Variants in GRM5 observed in about 807,000 individuals in gnomAD.
GRM5 encodes the protein metabotropic glutamate receptor 5.
In GRM5, 19 loss-of-function variants were observed where a neutral mutation model predicts 83.1. The ratio of observed to expected loss-of-function variants is 0.23; its 90% CI spans 0.16 to 0.34. The LOEUF (loss-of-function observed/expected upper bound fraction) is 0.34. Ranked by LOEUF, GRM5 falls within the 10% of genes least tolerant of loss-of-function variation. The probability of loss-of-function intolerance (pLI) is 1.00; values close to 1 mark genes in which losing one functional copy is unlikely to be tolerated. For missense variants in GRM5, 1,160 were observed against 1,588.3 expected, an observed-to-expected ratio of 0.73 and a Z score of 4.58; for synonymous variants, 675 against 633.6, an observed-to-expected ratio of 1.07 and a Z score of -0.98.
At chr11:88,748,618 C>T (rs891038828) in intron 3 of GRM5, among the ~76,000 whole-genome samples, 3 of 152,136 alleles carry the variant, frequency 2.0e-5, no homozygotes, top group Admixed American at 6.5e-5. Flanking sequence ...TGGGCAGGTC[C>T]CTGATCCCGT....
intron 3 of GRM5, among the ~76,000 whole-genome samples, chr11:88,668,181 G>T (rs904591121): frequency 2.0e-5 from 3 of 149,120 alleles, no homozygotes; most frequent in African/African-American, 7.4e-5. Flanking sequence ...TTAAATCAGT[G>T]GAAGTTTATT....
At chr11:88,662,997 T>G (rs1219327045) in intron 3 of GRM5, among the ~76,000 whole-genome samples, 1 of 152,222 alleles carries the variant, frequency 6.6e-6, no homozygotes, top group East Asian at 1.9e-4. Flanking sequence ...CCAGAAAGTA[T>G]GAAATAATAC....
chr11:88,726,973 T>G (rs540228296), intron 3 of GRM5, among the ~76,000 whole-genome samples: 65 of 152,260 alleles, frequency 4.3e-4, no homozygotes, highest in African/African-American at 1.6e-3. Context: ...ATGAAGAAAC[T>G]GCATCAACGA....
intron 1 of GRM5, among the ~76,000 whole-genome samples, chr11:89,053,745 G>C (rs1164944518): frequency 1.3e-5 from 2 of 151,662 alleles, no homozygotes; most frequent in South Asian, 2.1e-4. Flanking sequence ...AGGAAATTTT[G>C]AGTAATGTGG....
chr11:88,537,492 G>T (rs1238958822), intron 8 of GRM5, among the ~76,000 whole-genome samples: 1 of 152,174 alleles, frequency 6.6e-6, no homozygotes, highest in South Asian at 2.1e-4. Context: ...AAAGAGAGCT[G>T]AAGGAAAGCC....
At chr11:88,570,343 TTG>T (rs1412435485) in intron 7 of GRM5, among the ~76,000 whole-genome samples, 1 of 151,626 alleles carries the variant, frequency 6.6e-6, no homozygotes, top group African/African-American at 2.4e-5. Flanking sequence ...TACAAAACAG[TTG>T]TGTTATATGA....
chr11:88,896,528 T>C (rs1945230847), intron 2 of GRM5, among the ~76,000 whole-genome samples: 1 of 151,740 alleles, frequency 6.6e-6, no homozygotes, highest in Admixed American at 6.6e-5. Context: ...TATAGAGAGG[T>C]TTATTTATTG....
intron 3 of GRM5, among the ~76,000 whole-genome samples, chr11:88,665,535 T>C (rs1381976833): frequency 6.6e-6 from 1 of 152,182 alleles, no homozygotes; most frequent in Non-Finnish European, 1.5e-5. Flanking sequence ...CGTATAGGTA[T>C]AGAGGAAGAG....
chr11:89,021,174 T>C (rs1034258464), intron 2 of GRM5, among the ~76,000 whole-genome samples: 4 of 152,192 alleles, frequency 2.6e-5, no homozygotes, highest in African/African-American at 9.7e-5. Context: ...ATTCAGTGGA[T>C]ATTTGGAGTC....
chr11:88,585,171 T>G (rs1943287813), intron 7 of GRM5, among the ~76,000 whole-genome samples: 1 of 152,208 alleles, frequency 6.6e-6, no homozygotes, highest in Non-Finnish European at 1.5e-5. Context: ...TCTCTACAAC[T>G]CTTCATTTTA....
intron 2 of GRM5, among the ~76,000 whole-genome samples, chr11:88,879,146 T>G (rs567558762): frequency 1.2e-3 from 180 of 152,140 alleles, no homozygotes; most frequent in Non-Finnish European, 2.0e-3. Flanking sequence ...GAGGAAAAAT[T>G]TTGTATAAAT....
At chr11:88,778,389 C>T (rs751908795) in intron 3 of GRM5, among the ~76,000 whole-genome samples, 9 of 152,184 alleles carry the variant, frequency 5.9e-5, no homozygotes, top group East Asian at 1.9e-4. Context: ...AAGGGAAATC[C>T]CCCAACCCCT....
chr11:88,724,385 CAA>C lies in GRM5; in HGVS notation c.912-70984_912-70983del, dbSNP rs543656556. 9.4e-4 allele frequency among the ~76,000 whole-genome samples: 127 copies of C among 135,066 alleles called. No individual in the cohort carries two copies. The Middle Eastern group carries it at 0.015, about 16-fold the overall frequency. 88.6% of individuals were successfully genotyped at this position (135,066 alleles called of 152,430 possible). A position where few individuals can be genotyped will look rare whatever the true frequency, so the allele number is the denominator to read the frequency against. On this transcript the variant is annotated intron_variant, in intron 3 of 9. Coordinates refer to ENST00000305447, the MANE Select transcript of GRM5 (RefSeq NM_001143831.3). ...CTGTGTCCTAAAGTTACTTGCTTCC[CAA>C]TACTCCATATACTTACTCCTAACTA...
At chr11:88,749,371 G>A (rs1942215960) in intron 3 of GRM5, among the ~76,000 whole-genome samples, 1 of 152,050 alleles carries the variant, frequency 6.6e-6, no homozygotes, top group Non-Finnish European at 1.5e-5. Context: ...TCTGAAATTT[G>A]ACAGACAGAC....
At chr11:88,752,901 T>C (rs7127982) in intron 3 of GRM5, among the ~76,000 whole-genome samples, 101,200 of 151,338 alleles carry the variant, frequency 0.67, 34,532 homozygotes, top group Non-Finnish European at 0.73. Context: ...ACAGGTTAGC[T>C]ATATCCAGAA....
intron 2 of GRM5, among the ~76,000 whole-genome samples, chr11:89,043,575 T>TTA (rs1941580064): frequency 6.8e-6 from 1 of 147,384 alleles, no homozygotes; most frequent in Non-Finnish European, 1.5e-5. Flanking sequence ...TGCATGTTAT[T>TTA]TTTTTTTTTT....
intron 2 of GRM5, among the ~76,000 whole-genome samples, chr11:88,945,991 G>C (rs1290025055): frequency 6.6e-6 from 1 of 151,892 alleles, no homozygotes; most frequent in African/African-American, 2.4e-5. Context: ...CTATGCATCT[G>C]ACAAAAGTCT....
chr11:88,649,839 T>C (rs1939585388), intron 4 of GRM5, among the ~76,000 whole-genome samples: 1 of 151,900 alleles, frequency 6.6e-6, no homozygotes, highest in Admixed American at 6.6e-5. Context: ...GAAAGAATTA[T>C]AGATGGGAGC....
chr11:88,731,573 G>C (rs1400985325), intron 3 of GRM5, among the ~76,000 whole-genome samples: 3 of 151,852 alleles, frequency 2.0e-5, no homozygotes, highest in African/African-American at 7.3e-5. Context: ...GGAATATTTT[G>C]GTTTATCTTC....
Sources: gnomAD v4.1 joint callset for allele counts (sites outside exome capture counted in the v4.1 genomes callset) on GRCh38, gnomAD v4.1.1 for gene constraint, MANE v1.5 for transcripts, NCBI Gene and HGNC (gene_info 2026-07-23, HGNC 2026-07-21) for gene names.